Variants in UNC45A observed in about 807,000 individuals in gnomAD.
The protein encoded by UNC45A is protein unc-45 homolog A.
UNC45A carries 78 observed loss-of-function variants against 103.2 expected under a neutral mutation model. The observed-to-expected ratio is 0.76, with a 90% CI of 0.63 to 0.91. UNC45A has a LOEUF of 0.91. Ranked by LOEUF, UNC45A falls within the 40% of genes least tolerant of loss-of-function variation. UNC45A has a pLI of 0.00. For missense variants in UNC45A, 1,193 were observed against 1,224.8 expected (o/e 0.97, Z 0.39); for synonymous variants, 495 against 504.6 (o/e 0.98, Z 0.25).
chr15:90,931,361 G>C, upstream of UNC45A: 1 of 1,554,370 alleles, frequency 6.4e-7, no homozygotes, highest in Admixed American at 2.0e-5. Context: ...TTCACCACCT[G>C]CGCTGCCCAC....
At chr15:90,934,843 C>G (rs2035920283), upstream of UNC45A, 2 of 417,702 alleles carry the variant, frequency 4.8e-6, no homozygotes, top group Non-Finnish European at 8.4e-6. Context: ...GGAGGGAGTC[C>G]TGAGCTTTCT....
chr15:90,931,286 G>A (rs1201474410), upstream of UNC45A: 6 of 1,550,586 alleles, frequency 3.9e-6, no homozygotes, highest in Non-Finnish European at 1.7e-6. Flanking sequence ...CAGATTGTCA[G>A]CCCCCGCTGC....
chr15:90,936,793 G>A (rs2151355610), intron 4 of UNC45A, among the ~76,000 whole-genome samples: 4 of 152,270 alleles, frequency 2.6e-5, no homozygotes, highest in Admixed American at 2.6e-4. Context: ...TTTCAAATGA[G>A]CGTATCTTGT....
chr15:90,950,590 C>T lies in UNC45A; in HGVS notation c.2278C>T (p.Leu760=), dbSNP rs768788955. Residue 760 remains leucine (L), a synonymous_variant, in exon 17 of 20, where the codon CTG becomes TTG. Transcript: ENST00000418476. The part of the protein sequence containing the change: ...NFEALMALTN[L]AGISERLRQK... ...CGAGGCGCTCATGGCCCTAACAAAC[C>T]TGGCTGGGATCAGCGAGAGGCTCCG... The T allele has an allele frequency of 6.8e-6, 11 of 1,614,060 alleles. No homozygotes were observed. In the African/African-American group the frequency reaches 8.0e-5, roughly 12 times the overall value.
rs962304811 is a variant in UNC45A at position 90,950,110 on chromosome 15, T to TA, written c.2074-43dup. On this transcript the variant is annotated intron_variant, in intron 15 of 19. Transcript: ENST00000418476. The stretch of plus-strand genomic sequence containing the variant: ...CTGGGGAGCCCGATGGTCGGGGTCT[T>TA]ACTCCCAGGGATGTCCTGAGCAGTG... 14 of 1,536,218 alleles carry TA rather than the reference T, an allele frequency of 9.1e-6. 1 individual carries two copies. Among genetic ancestry groups the TA allele is most frequent in the Middle Eastern group, 4.1e-4 (2 of 4,856 alleles).
At chr15:90,951,975 C>T (rs1399023644) in intron 17 of UNC45A, among the ~76,000 whole-genome samples, 1 of 152,188 alleles carries the variant, frequency 6.6e-6, no homozygotes, top group Non-Finnish European at 1.5e-5. Flanking sequence ...CTCACCATCA[C>T]GACCACCCTG....
At position 90,953,605 on chromosome 15, in the gene UNC45A, CTT is replaced by C; in HGVS notation, c.2725_2726del (p.Leu909ValfsTer5). On this transcript the variant is annotated frameshift_variant, in exon 20 of 20. Coordinates refer to ENST00000418476, the MANE Select transcript of UNC45A (RefSeq NM_018671.5). LOFTEE classifies it high-confidence loss of function. The stretch of plus-strand genomic sequence containing the variant: ...TGATGGAGAGTGAGATGATGGAGAT[CTT>C]GTCAGTGCTAGCTAAGGGTGACCAC... Reference protein sequence around the residue: ...TLMESEMMEILSVLAKGDHSP... With the variant: ...TLMESEMMEIXSVLAKGDHSP... 1 of 1,614,116 alleles carries C rather than the reference CTT, an allele frequency of 6.2e-7. No homozygotes were observed. Among genetic ancestry groups the C allele is most frequent in the Non-Finnish European group, 8.5e-7 (1 of 1,180,022 alleles).
At chr15:90,933,931 C>T (rs1036527101), upstream of UNC45A, 22 of 397,000 alleles carry the variant, frequency 5.5e-5, no homozygotes, top group Middle Eastern at 1.9e-3. Context: ...ATTAATGGTG[C>T]CCAAGGGCCT....
At chr15:90,931,581 G>T, upstream of UNC45A, 1 of 1,614,134 alleles carries the variant, frequency 6.2e-7, no homozygotes. Flanking sequence ...ATCAAAGAGT[G>T]GTCCAGTAGG....
At position 90,953,287 on chromosome 15, in the gene UNC45A, C is replaced by G. The variant is rs377033536; in HGVS notation, c.2554C>G (p.Leu852Val). The change falls in exon 19 of 20, where the codon CTC becomes GTC. Residue 852 changes from leucine to valine, a missense_variant. By Grantham distance (32) the Leu-to-Val change is conservative. Coordinates refer to ENST00000418476, the MANE Select transcript of UNC45A (RefSeq NM_018671.5). ...LAMLTSMRPT[L>V]CSRIPQVTTH... ...CATGCTTACCTCCATGCGGCCCACG[C>G]TCTGCAGCCGCATTCCCCAAGTGGT... is the stretch of plus-strand genomic sequence containing the variant. The G allele has an allele frequency of 1.2e-6, 2 of 1,610,960 alleles. No individual in the cohort carries two copies. Among genetic ancestry groups the G allele is most frequent in the Non-Finnish European group, 1.7e-6 (2 of 1,179,022 alleles).
chr15:90,933,769 C>A (rs902151828), upstream of UNC45A: 23 of 338,102 alleles, frequency 6.8e-5, 1 homozygote, highest in Non-Finnish European at 1.2e-4. Context: ...GGCTCAGCTG[C>A]TCTCTCATCC....
intron 12 of UNC45A, 125 bp downstream of exon 12, chr15:90,948,408 G>A (rs1387588341): frequency 1.4e-6 from 2 of 1,445,108 alleles, no homozygotes; most frequent in Non-Finnish European, 1.9e-6. Context: ...GTGGCTGAGT[G>A]GCTGCTCTGT....
chr15:90,931,098 G>A, upstream of UNC45A: 1 of 673,756 alleles, frequency 1.5e-6, no homozygotes, highest in East Asian at 2.8e-5. Flanking sequence ...CCCACCACGC[G>A]GGGCTCAGCT....
chr15:90,951,351 C>A (rs1567162676), intron 17 of UNC45A, among the ~76,000 whole-genome samples: 1 of 152,178 alleles, frequency 6.6e-6, no homozygotes. Flanking sequence ...ACATATTACT[C>A]ATTACTTAGC....
chr15:90,936,168 G>A (rs1450686557), intron 3 of UNC45A, 117 bp from the exon 4 acceptor site: 24 of 1,518,542 alleles, frequency 1.6e-5, no homozygotes, highest in Admixed American at 2.3e-5. Context: ...CTGAAGCACC[G>A]AGCCCCACAT....
Position 90,949,721 on chromosome 15 carries a change from G to C in UNC45A, c.2073+1G>C, listed in dbSNP as rs1401591532. ...TGTGGTTGCCCAGGGAGGCGGCAGGGTAAGCTGGTTTACACACCCCTTCCT... is the reference window on the plus strand; with the variant it reads ...TGTGGTTGCCCAGGGAGGCGGCAGGCTAAGCTGGTTTACACACCCCTTCCT... On this transcript the variant is annotated splice_donor_variant, in intron 15 of 19. Transcript: ENST00000418476. LOFTEE classifies it high-confidence loss of function. 10 of 1,614,020 alleles carry C rather than the reference G, an allele frequency of 6.2e-6. No individual in the cohort carries two copies. Among genetic ancestry groups the C allele is most frequent in the African/African-American group, 1.3e-5 (1 of 74,936 alleles).
At chr15:90,931,030 G>T, upstream of UNC45A, 1 of 491,538 alleles carries the variant, frequency 2.0e-6, no homozygotes, top group Non-Finnish European at 3.7e-6. Flanking sequence ...ATAGCAAACA[G>T]ACCCAAGACT....
chr15:90,935,408 C>A (rs2035955108), intron 1 of UNC45A, 33 bp downstream of exon 1: 2 of 1,583,494 alleles, frequency 1.3e-6, no homozygotes, highest in South Asian at 1.1e-5. Context: ...ATCACCCCTT[C>A]GCACCCGCCC....
intron 8 of UNC45A, among the ~76,000 whole-genome samples, chr15:90,944,335 C>T (rs530963945): frequency 2.0e-5 from 3 of 151,986 alleles, no homozygotes; most frequent in South Asian, 2.1e-4. Flanking sequence ...TGCAGTGAGC[C>T]GAGATCGCGC....
Sources: gnomAD v4.1 joint callset for allele counts (sites outside exome capture counted in the v4.1 genomes callset) on GRCh38, gnomAD v4.1.1 for gene constraint, MANE v1.5 for transcripts, NCBI Gene and HGNC (gene_info 2026-07-23, HGNC 2026-07-21) for gene names.